Variants in UBE2J1 observed in about 807,000 individuals in gnomAD.
The protein encoded by UBE2J1 is ubiquitin conjugating enzyme E2 J1, also known as ubiquitin-conjugating enzyme E2 J1.
Under a neutral mutation model 42.1 loss-of-function variants are expected in UBE2J1, and 17 were observed. The observed-to-expected ratio is 0.40, with a 90% CI of 0.28 to 0.61. The LOEUF (loss-of-function observed/expected upper bound fraction) is 0.61. Among genes scored for constraint, UBE2J1 ranks in the 20% least tolerant of loss-of-function variants. The probability of loss-of-function intolerance (pLI) is 0.38; values close to 1 mark genes in which losing one functional copy is unlikely to be tolerated. For synonymous variants in UBE2J1, 127 were observed against 137.2 expected (o/e 0.93, Z 0.52); for missense variants, 291 against 389.4 (o/e 0.75, Z 2.13).
chr6:89,351,069 C>CTTT (rs1193022037), intron 1 of UBE2J1, among the ~76,000 whole-genome samples: 829 of 60,520 alleles, frequency 0.014, 113 homozygotes, highest in Non-Finnish European at 0.018. Flanking sequence ...CCGGGATTCT[C>CTTT]TTTTTTTTTT....
At position 89,338,475 on chromosome 6, in the gene UBE2J1, C is replaced by T. The variant is rs1768154019; in HGVS notation, c.306G>A (p.Trp102Ter). Residue 102 changes from tryptophan (W) to a stop codon, truncating the protein, a stop_gained, in exon 4 of 8, where the codon TGG becomes TGA. Coordinates refer to ENST00000435041, the MANE Select transcript of UBE2J1 (RefSeq NM_016021.3). LOFTEE classifies it high-confidence loss of function. ...LSISGHHPET[W>*]QPSWSIRTAL... is the part of the protein sequence containing the mutation. ...AACACTTACTACTCCACGAAGGCTG[C>T]CAAGTTTCAGGATGATGGCCTGAGA... is the stretch of plus-strand genomic sequence containing the variant. The T allele has an allele frequency of 6.2e-7, 1 of 1,609,700 alleles. No homozygotes were observed. Among genetic ancestry groups the T allele is most frequent in the African/African-American group, 1.3e-5 (1 of 74,742 alleles).
At position 89,333,126 on chromosome 6, in the gene UBE2J1, T is replaced by C. The variant is rs755726697; in HGVS notation, c.638A>G (p.Asp213Gly). The change falls in exon 7 of 8, where the codon GAT becomes GGT. Residue 213 changes from aspartate to glycine, a missense_variant. Transcript: ENST00000435041. ...AGCACCCTGGAATGTTGTAGGTATATCATCTTGTAAATCAGTTAGTGAAAA... is the reference window on the plus strand; with the variant it reads ...AGCACCCTGGAATGTTGTAGGTATACCATCTTGTAAATCAGTTAGTGAAAA... Reference protein sequence around the residue: ...HSFSLTDLQDDIPTTFQGATA... With the variant: ...HSFSLTDLQDGIPTTFQGATA... The C allele has an allele frequency of 6.8e-6, 11 of 1,613,354 alleles. No homozygotes were observed. The highest frequency in any genetic ancestry group is 8.5e-6 in the Non-Finnish European group (10 of 1,179,594).
At chr6:89,338,752 A>G (rs552629106) in intron 3 of UBE2J1, among the ~76,000 whole-genome samples, 17 of 128,924 alleles carry the variant, frequency 1.3e-4, no homozygotes, top group African/African-American at 2.7e-4. Context: ...TGCAAGATCC[A>G]CCTCCCGGGT....
In UBE2J1 at chr6:89,329,542, A is replaced by T. The variant is rs1323032575; in HGVS notation, c.*137T>A. 6.5e-6 allele frequency: 6 copies of T among 922,072 alleles called. No homozygotes were observed. In the Admixed American group the frequency reaches 1.6e-4, roughly 24 times the overall value. The allele number at this position is 922,072 out of a possible 1,614,324, so 57.1% of individuals were successfully genotyped here. ...AGTCTGAATGTCTAGATATATTTAT[A>T]CTAAACTTACAAGGATCAAAAAAAG... On this transcript the variant is annotated 3_prime_UTR_variant, in exon 8 of 8. Coordinates refer to ENST00000435041, the MANE Select transcript of UBE2J1 (RefSeq NM_016021.3).
chr6:89,329,880 A>C lies in UBE2J1; in HGVS notation c.756T>G (p.Pro252=). Reference sequence around the variant, plus strand: ...TCTGCTGCTGGGCCCGGCGCTGTCGAGGGCTCATGGAGGTATTCTTAGCTA... The same window carrying C: ...TCTGCTGCTGGGCCCGGCGCTGTCGCGGGCTCATGGAGGTATTCTTAGCTA... ...QPVAKNTSMS[P]RQRRAQQQSQ... Residue 252 remains proline, a synonymous_variant, in exon 8 of 8, where the codon CCT becomes CCG. Transcript: ENST00000435041. The C allele has an allele frequency of 1.2e-6, 2 of 1,614,094 alleles. No individual in the cohort carries two copies. Among genetic ancestry groups the C allele is most frequent in the Non-Finnish European group, 1.7e-6 (2 of 1,179,980 alleles).
chr6:89,348,307 C>T (rs1450891325), intron 1 of UBE2J1, among the ~76,000 whole-genome samples: 1 of 152,198 alleles, frequency 6.6e-6, no homozygotes, highest in Non-Finnish European at 1.5e-5. Context: ...GCTCTAGGTG[C>T]TGTGGGCCTA....
chr6:89,350,676 A>T (rs958008407), intron 1 of UBE2J1, among the ~76,000 whole-genome samples: 1 of 152,212 alleles, frequency 6.6e-6, no homozygotes. Flanking sequence ...AAGCATGTCA[A>T]CCAAAGCTCA....
At chr6:89,352,048 C>T (rs1425999394) in intron 1 of UBE2J1, among the ~76,000 whole-genome samples, 1 of 152,162 alleles carries the variant, frequency 6.6e-6, no homozygotes, top group Admixed American at 6.5e-5. Flanking sequence ...AGTTACAGAA[C>T]ATTTCCTTTA....
At chr6:89,340,768 ATT>A (rs1768230000) in intron 3 of UBE2J1, among the ~76,000 whole-genome samples, 1 of 123,002 alleles carries the variant, frequency 8.1e-6, no homozygotes, top group Non-Finnish European at 1.8e-5. Flanking sequence ...TTATTTATTT[ATT>A]TATGTTTTTT....
At position 89,333,036 on chromosome 6, in the gene UBE2J1, C is replaced by T. The variant is rs751338101; in HGVS notation, c.678+50G>A. The T allele has an allele frequency of 3.4e-6, 5 of 1,460,192 alleles. No homozygotes were observed. In the South Asian group the frequency reaches 6.2e-5, roughly 18 times the overall value. 90.5% of individuals were successfully genotyped at this position (1,460,192 alleles called of 1,614,324 possible). A position where few individuals can be genotyped will look rare whatever the true frequency, so the allele number is the denominator to read the frequency against. ...CAGGATCTTCTCCTCCTATTGCAAA[C>T]AGTGATAATGATAGAGACATACATA... On this transcript the variant is annotated intron_variant, in intron 7 of 7. Transcript: ENST00000435041.
At chr6:89,331,759 C>T (rs1197542417) in intron 7 of UBE2J1, among the ~76,000 whole-genome samples, 1 of 152,108 alleles carries the variant, frequency 6.6e-6, no homozygotes, top group Non-Finnish European at 1.5e-5. Flanking sequence ...ACATCACAAA[C>T]ATTAGGAGGC....
In UBE2J1 at chr6:89,337,281, T is replaced by TA. The variant is rs1209202908; in HGVS notation, c.428+923dup. Among the ~76,000 whole-genome samples, 49 of 148,428 alleles carry TA rather than the reference T, an allele frequency of 3.3e-4. 1 individual carries two copies. In the South Asian group the frequency reaches 9.3e-3, roughly 28 times the overall value. On this transcript the variant is annotated intron_variant, in intron 5 of 7. Coordinates refer to ENST00000435041, the MANE Select transcript of UBE2J1 (RefSeq NM_016021.3). ...AATCAACTGGATAAAGGCATCAAGA[T>TA]AAAAAAACCAACGTAGTAAATCGAA...
intron 5 of UBE2J1, among the ~76,000 whole-genome samples, chr6:89,336,143 T>C (rs148542880): frequency 6.6e-5 from 10 of 152,366 alleles, no homozygotes; most frequent in Middle Eastern, 3.4e-3. Context: ...TGTTACACTG[T>C]TAAACTTCCT....
chr6:89,345,287 T>C (rs1768338513), intron 1 of UBE2J1, among the ~76,000 whole-genome samples: 2 of 152,226 alleles, frequency 1.3e-5, no homozygotes, highest in Admixed American at 6.5e-5. Context: ...TGGTTTGGTA[T>C]GTATCAAGAC....
chr6:89,330,844 A>T (rs905931133), intron 7 of UBE2J1, among the ~76,000 whole-genome samples: 3 of 152,198 alleles, frequency 2.0e-5, no homozygotes, highest in Non-Finnish European at 4.4e-5. Context: ...TGATATATAT[A>T]TAAATTTTTC....
At chr6:89,350,776 T>C (rs547560125) in intron 1 of UBE2J1, among the ~76,000 whole-genome samples, 4 of 152,244 alleles carry the variant, frequency 2.6e-5, no homozygotes, top group Non-Finnish European at 4.4e-5. Context: ...GTCTAACCTA[T>C]CGAAATTGAG....
At chr6:89,339,158 C>T (rs1018700068) in intron 3 of UBE2J1, among the ~76,000 whole-genome samples, 2 of 151,576 alleles carry the variant, frequency 1.3e-5, no homozygotes, top group African/African-American at 4.8e-5. Flanking sequence ...AGCGAAGTGG[C>T]TCACGCCTGT....
chr6:89,334,378 T>C (rs922317933), intron 6 of UBE2J1, among the ~76,000 whole-genome samples: 2 of 151,870 alleles, frequency 1.3e-5, no homozygotes, highest in South Asian at 2.1e-4. Flanking sequence ...GTAAAACATA[T>C]ACAGAAAAAA....
chr6:89,338,657 GTTT>G (rs11300340), intron 3 of UBE2J1, 114 bp from the exon 4 acceptor site: 5,780 of 105,548 alleles, frequency 0.055, 179 homozygotes, highest in Non-Finnish European at 0.063. Flanking sequence ...TAAAAAGTTT[GTTT>G]TTTTTTTTTT....
Sources: gnomAD v4.1 joint callset for allele counts (sites outside exome capture counted in the v4.1 genomes callset) on GRCh38, gnomAD v4.1.1 for gene constraint, MANE v1.5 for transcripts, NCBI Gene and HGNC (gene_info 2026-07-23, HGNC 2026-07-21) for gene names.